The following CDH8 variants were observed in gnomAD, a reference collection of about 807,000 sequenced individuals.
The protein encoded by CDH8 is cadherin 8, also known as cadherin-8.
In CDH8, 17 loss-of-function variants were observed where a neutral mutation model predicts 68.1. The ratio of observed to expected loss-of-function variants is 0.25; its 90% confidence interval spans 0.17 to 0.37. CDH8 has a LOEUF of 0.37. Among genes scored for constraint, CDH8 ranks in the 10% least tolerant of loss-of-function variants. CDH8 has a pLI of 1.00. For synonymous variants in CDH8, 372 were observed against 365.1 expected, an observed-to-expected ratio of 1.02 and a Z score of -0.21; for missense variants, 763 against 999.3, an observed-to-expected ratio of 0.76 and a Z score of 3.19.
intron 10 of CDH8, among the ~76,000 whole-genome samples, chr16:61,689,605 C>A (rs1426055717): frequency 6.6e-6 from 1 of 151,940 alleles, no homozygotes; most frequent in Non-Finnish European, 1.5e-5. Context: ...ATAATATGAG[C>A]TCAAAGATAT....
intron 8 of CDH8, among the ~76,000 whole-genome samples, chr16:61,736,147 G>GGAAA (rs1165424824): frequency 6.1e-5 from 9 of 148,046 alleles, no homozygotes; most frequent in East Asian, 5.9e-4. Flanking sequence ...AAGGAAGGAA[G>GGAAA]GAAGGAAGGA....
intron 4 of CDH8, among the ~76,000 whole-genome samples, chr16:61,829,301 C>T (rs1220245191): frequency 1.3e-5 from 2 of 151,790 alleles, no homozygotes; most frequent in South Asian, 2.1e-4. Context: ...ACTTCTATCG[C>T]TAGCATCTGG....
chr16:61,960,346 CATGTGT>C (rs1163869249), intron 2 of CDH8, among the ~76,000 whole-genome samples: 1 of 57,972 alleles, frequency 1.7e-5, no homozygotes, highest in Non-Finnish European at 3.2e-5. Flanking sequence ...CACATATATA[CATGTGT>C]GTGTGTATAC....
At chr16:61,675,740 A>T (rs901407054) in intron 10 of CDH8, among the ~76,000 whole-genome samples, 2 of 151,748 alleles carry the variant, frequency 1.3e-5, no homozygotes, top group Non-Finnish European at 2.9e-5. Flanking sequence ...AAAATATGAG[A>T]TGAGAGCATA....
At chr16:61,940,853 T>C (rs866244444) in intron 2 of CDH8, among the ~76,000 whole-genome samples, 12 of 152,214 alleles carry the variant, frequency 7.9e-5, no homozygotes, top group Non-Finnish European at 1.6e-4. Flanking sequence ...CCTCCTTCTC[T>C]TTGTCTATCT....
intron 2 of CDH8, among the ~76,000 whole-genome samples, chr16:62,009,477 T>C (rs1308862604): frequency 6.6e-6 from 1 of 152,198 alleles, no homozygotes; most frequent in Non-Finnish European, 1.5e-5. Context: ...GTTACTAAAT[T>C]ATTCAGCATT....
At chr16:61,792,219 G>A (rs1031032145) in intron 7 of CDH8, among the ~76,000 whole-genome samples, 3 of 151,948 alleles carry the variant, frequency 2.0e-5, no homozygotes, top group African/African-American at 7.2e-5. Context: ...ACTTTATGGG[G>A]TGAGTCATAG....
intron 8 of CDH8, among the ~76,000 whole-genome samples, chr16:61,744,927 TAAG>T (rs1235421930): frequency 6.6e-6 from 1 of 151,380 alleles, no homozygotes; most frequent in African/African-American, 2.4e-5. Context: ...CTAATTATAT[TAAG>T]TAGTATATAT....
At chr16:61,838,763 G>T (rs1243694455) in intron 4 of CDH8, among the ~76,000 whole-genome samples, 2 of 152,052 alleles carry the variant, frequency 1.3e-5, no homozygotes, top group African/African-American at 4.8e-5. Flanking sequence ...ATCATTTTAT[G>T]CAGAGAAAAC....
At chr16:61,688,543 C>T (rs16963822) in intron 10 of CDH8, among the ~76,000 whole-genome samples, 2 of 151,690 alleles carry the variant, frequency 1.3e-5, no homozygotes, top group African/African-American at 4.8e-5. Context: ...TTACTGTCTA[C>T]AATAATCCCA....
intron 9 of CDH8, among the ~76,000 whole-genome samples, chr16:61,715,774 G>A (rs1964719535): frequency 6.6e-6 from 1 of 151,500 alleles, no homozygotes; most frequent in African/African-American, 2.4e-5. Context: ...AAATCAACAT[G>A]AGTTAAAGTA....
intron 10 of CDH8, chr16:61,692,400 A>T (rs1490497958): frequency 1.3e-5 from 2 of 152,144 alleles, no homozygotes; most frequent in African/African-American, 2.4e-5. Flanking sequence ...GCTATTTTTT[A>T]AAATTTCCCT....
At chr16:61,925,254 T>TA (rs1303035790) in intron 2 of CDH8, among the ~76,000 whole-genome samples, 1 of 152,176 alleles carries the variant, frequency 6.6e-6, no homozygotes, top group African/African-American at 2.4e-5. Flanking sequence ...CCACGCTGGT[T>TA]AAATTACAAG....
chr16:61,962,827 A>G (rs1325066823), intron 2 of CDH8, among the ~76,000 whole-genome samples: 3 of 152,322 alleles, frequency 2.0e-5, no homozygotes, highest in Non-Finnish European at 4.4e-5. Context: ...TTCAGTGTAC[A>G]CATTTATGTT....
At chr16:61,979,867 A>C (rs899938086) in intron 2 of CDH8, among the ~76,000 whole-genome samples, 1 of 152,202 alleles carries the variant, frequency 6.6e-6, no homozygotes, top group Non-Finnish European at 1.5e-5. Context: ...TTCCGCTTTC[A>C]AGACAGAGCA....
At chr16:61,981,677 TGTGTGC>T (rs955947871) in intron 2 of CDH8, among the ~76,000 whole-genome samples, 8 of 149,762 alleles carry the variant, frequency 5.3e-5, no homozygotes, top group African/African-American at 1.5e-4. Flanking sequence ...TGTGTGTGTG[TGTGTGC>T]GCGCGCGCGC....
chr16:61,685,516 A>G (rs1272778085), intron 10 of CDH8, among the ~76,000 whole-genome samples: 1 of 151,962 alleles, frequency 6.6e-6, no homozygotes, highest in Admixed American at 6.6e-5. Context: ...GAAGAGATAA[A>G]GAAGAAGCTT....
intron 9 of CDH8, among the ~76,000 whole-genome samples, chr16:61,717,524 G>T (rs1438697916): frequency 6.6e-6 from 1 of 151,372 alleles, no homozygotes; most frequent in East Asian, 1.9e-4. Context: ...CTTTATTTTG[G>T]ACTATTTTAC....
At position 61,650,949 on chromosome 16, in the gene CDH8, A is replaced by G. The variant is rs1963309266; in HGVS notation, c.*2659T>C. ...TTCTGTGTTCCTAGGCAAAGAGAATACTTAGGCGATATTTGGGCAACTAGT... is the reference window on the plus strand; with the variant it reads ...TTCTGTGTTCCTAGGCAAAGAGAATGCTTAGGCGATATTTGGGCAACTAGT... On this transcript the variant is annotated 3_prime_UTR_variant, in exon 12 of 12. Coordinates refer to ENST00000577390, the MANE Select transcript of CDH8 (RefSeq NM_001796.5). The G allele has an allele frequency of 6.6e-6, 1 of 152,132 alleles. No individual in the cohort carries two copies. Among genetic ancestry groups the G allele is most frequent in the Admixed American group, 6.6e-5 (1 of 15,260 alleles). 9.4% of individuals were successfully genotyped at this position (152,132 alleles called of 1,614,324 possible). A position where few individuals can be genotyped will look rare whatever the true frequency, so the allele number is the denominator to read the frequency against.
Sources: gnomAD v4.1 joint callset for allele counts (sites outside exome capture counted in the v4.1 genomes callset) on GRCh38, gnomAD v4.1.1 for gene constraint, MANE v1.5 for transcripts, NCBI Gene and HGNC (gene_info 2026-07-23, HGNC 2026-07-21) for gene names.